The following EYA1 variants were observed in gnomAD, a reference collection of about 807,000 sequenced individuals.
EYA1 encodes EYA transcriptional coactivator and phosphatase 1.
A neutral mutation model predicts 82.0 loss-of-function variants in EYA1; 16 were observed. The ratio of observed to expected loss-of-function variants is 0.20; its 90% CI spans 0.13 to 0.30. EYA1 has a LOEUF of 0.30. Ranked by LOEUF, EYA1 falls within the 10% of genes least tolerant of loss-of-function variation. EYA1 has a pLI of 1.00. For missense variants in EYA1, 633 were observed against 730.7 expected, an observed-to-expected ratio of 0.87 and a Z score of 1.54; for synonymous variants, 261 against 264.4, an observed-to-expected ratio of 0.99 and a Z score of 0.12.
intron 2 of EYA1, among the ~76,000 whole-genome samples, chr8:71,383,261 G>A (rs1828810483): frequency 6.6e-6 from 1 of 152,034 alleles, no homozygotes; most frequent in African/African-American, 2.4e-5. Flanking sequence ...CTGTTAGAGT[G>A]TAAAAAGGTA....
intron 4 of EYA1, among the ~76,000 whole-genome samples, chr8:71,324,157 G>A (rs1340233177): frequency 6.6e-6 from 1 of 152,154 alleles, no homozygotes; most frequent in East Asian, 1.9e-4. Flanking sequence ...TCAATAGGTT[G>A]TACCCAACAA....
intron 2 of EYA1, among the ~76,000 whole-genome samples, chr8:71,440,301 C>T (rs982275063): frequency 6.6e-6 from 1 of 152,064 alleles, no homozygotes; most frequent in African/African-American, 2.4e-5. Flanking sequence ...GTGATAGGGG[C>T]ATGACATGAG....
chr8:71,368,651 G>T (rs538114089), intron 2 of EYA1, among the ~76,000 whole-genome samples: 34 of 152,166 alleles, frequency 2.2e-4, no homozygotes, highest in African/African-American at 7.7e-4. Flanking sequence ...TTTTAAATTT[G>T]CAGTATCGTC....
chr8:71,215,783 C>G (rs1469897563), intron 14 of EYA1, 55 bp from the exon 15 acceptor site: 110 of 1,205,076 alleles, frequency 9.1e-5, no homozygotes, highest in Admixed American at 7.1e-4. Context: ...ATTTCTTCGG[C>G]TTTGCAAGTA....
chr8:71,476,139 T>C (rs1809643409), intron 2 of EYA1, among the ~76,000 whole-genome samples: 1 of 152,126 alleles, frequency 6.6e-6, no homozygotes, highest in Non-Finnish European at 1.5e-5. Flanking sequence ...ATCCTTCATA[T>C]ACCTTTTAAC....
intron 3 of EYA1, 64 bp downstream of exon 3, chr8:71,354,718 T>C: frequency 6.5e-7 from 1 of 1,529,716 alleles, no homozygotes; most frequent in Non-Finnish European, 9.0e-7. Flanking sequence ...AACCACCTAA[T>C]AACAAAGCAT....
intron 11 of EYA1, among the ~76,000 whole-genome samples, chr8:71,253,814 G>C (rs1472743976): frequency 6.6e-6 from 1 of 152,254 alleles, no homozygotes; most frequent in East Asian, 1.9e-4. Context: ...ACACCTACTT[G>C]TCCACTAAAG....
intron 2 of EYA1, among the ~76,000 whole-genome samples, chr8:71,430,509 G>T (rs1234651058): frequency 6.6e-6 from 1 of 152,208 alleles, no homozygotes; most frequent in Non-Finnish European, 1.5e-5. Context: ...AAAAAGAGGT[G>T]AGCTAAGAGT....
chr8:71,392,538 T>C (rs765639805), intron 2 of EYA1, among the ~76,000 whole-genome samples: 2 of 152,316 alleles, frequency 1.3e-5, no homozygotes, highest in African/African-American at 2.4e-5. Flanking sequence ...AGAGGTCCCA[T>C]TGTAATGAGG....
chr8:71,436,235 C>T (rs575946241), intron 2 of EYA1, among the ~76,000 whole-genome samples: 2 of 152,110 alleles, frequency 1.3e-5, no homozygotes, highest in South Asian at 2.1e-4. Context: ...ATAGCATATC[C>T]CATTGACTAC....
intron 7 of EYA1, among the ~76,000 whole-genome samples, chr8:71,304,963 C>A (rs1820568983): frequency 1.4e-5 from 2 of 142,830 alleles, no homozygotes; most frequent in African/African-American, 5.0e-5. Context: ...GCAGGCTTAG[C>A]AAGAGAGGCA....
At chr8:71,364,402 G>A (rs1827621077), upstream of EYA1, among the ~76,000 whole-genome samples, 1 of 152,024 alleles carries the variant, frequency 6.6e-6, no homozygotes, top group South Asian at 2.1e-4. Flanking sequence ...ATGATAAAGA[G>A]CCACATTTAA....
chr8:71,211,812 C>CT (rs1183977802), intron 16 of EYA1, among the ~76,000 whole-genome samples: 6 of 152,124 alleles, frequency 3.9e-5, no homozygotes, highest in African/African-American at 1.4e-4. Flanking sequence ...ATTAAAGACC[C>CT]TGAAAGTCTG....
intron 2 of EYA1, among the ~76,000 whole-genome samples, chr8:71,453,072 T>C (rs1430196639): frequency 6.6e-6 from 1 of 152,154 alleles, no homozygotes; most frequent in Non-Finnish European, 1.5e-5. Context: ...AAGAAGTCCT[T>C]AAATGGCCTG....
intron 2 of EYA1, among the ~76,000 whole-genome samples, chr8:71,430,250 A>G (rs532924242): frequency 2.4e-4 from 36 of 152,338 alleles, no homozygotes; most frequent in Middle Eastern, 3.4e-3. Flanking sequence ...GATCTTTCCC[A>G]TAACCACAAA....
At chr8:71,250,330 A>G (rs1050490584) in intron 11 of EYA1, among the ~76,000 whole-genome samples, 1 of 152,208 alleles carries the variant, frequency 6.6e-6, no homozygotes, top group Admixed American at 6.5e-5. Flanking sequence ...ACACAGGTTC[A>G]TGAACCGTGG....
At chr8:71,439,592 C>T (rs1033806322) in intron 2 of EYA1, among the ~76,000 whole-genome samples, 5 of 152,208 alleles carry the variant, frequency 3.3e-5, no homozygotes, top group Admixed American at 6.5e-5. Flanking sequence ...CCATAATTTC[C>T]GCCATTCATG....
intron 2 of EYA1, among the ~76,000 whole-genome samples, chr8:71,437,419 C>A (rs565260756): frequency 2.0e-5 from 3 of 151,880 alleles, no homozygotes; most frequent in Non-Finnish European, 4.4e-5. Flanking sequence ...CAAAGATCAG[C>A]CTCTATGCCT....
At position 71,409,062 on chromosome 8, in the gene EYA1, A is replaced by G. The variant is rs1177233205; in HGVS notation, c.34-52551T>C. Among the ~76,000 whole-genome samples the G allele has an allele frequency of 2.6e-4, 31 of 117,242 alleles. No individual in the cohort carries two copies. In the South Asian group the frequency reaches 9.3e-3, roughly 35 times the overall value. The allele number at this position is 117,242 out of a possible 152,430, so 76.9% of individuals were successfully genotyped here. A position where few individuals can be genotyped will look rare whatever the true frequency, so the allele number is the denominator to read the frequency against. On this transcript the variant is annotated intron_variant, in intron 2 of 18. Coordinates refer to the EYA1 transcript ENST00000643681. ...TGCAATCAAACTAGAACTCAGGATT[A>G]AGAATCTCACTCAAAGCCGCTCAAC...
Sources: gnomAD v4.1 joint callset for allele counts (sites outside exome capture counted in the v4.1 genomes callset) on GRCh38, gnomAD v4.1.1 for gene constraint, MANE v1.5 for transcripts, NCBI Gene and HGNC (gene_info 2026-07-23, HGNC 2026-07-21) for gene names.